WWOX: variants seen among roughly 807,000 people sequenced by gnomAD.
The protein encoded by WWOX is WW domain containing oxidoreductase, also known as WW domain-containing oxidoreductase.
A neutral mutation model predicts 46.2 loss-of-function variants in WWOX; 69 were observed. The observed-to-expected ratio is 1.49, with a 90% CI of 1.23 to 1.82. The LOEUF (loss-of-function observed/expected upper bound fraction) is 1.82. Ranked by LOEUF, WWOX falls within the 40% of genes most tolerant of loss-of-function variation. WWOX has a pLI of 0.00. For missense variants in WWOX, 919 were observed against 542.6 expected, an observed-to-expected ratio of 1.69 and a Z score of -6.89; for synonymous variants, 359 against 202.6, an observed-to-expected ratio of 1.77 and a Z score of -6.56.
At chr16:78,232,127 T>TA (rs1567444494) in intron 5 of WWOX, among the ~76,000 whole-genome samples, 118 of 152,174 alleles carry the variant, frequency 7.8e-4, no homozygotes, top group African/African-American at 2.5e-3. Flanking sequence ...CTTATTTTTT[T>TA]TAAAAAAATG....
chr16:78,831,898 G>T (rs530622451), intron 8 of WWOX, among the ~76,000 whole-genome samples: 2 of 152,264 alleles, frequency 1.3e-5, no homozygotes, highest in South Asian at 4.1e-4. Flanking sequence ...TGGTGATCTC[G>T]TCGTAATTTT....
chr16:78,979,351 G>T (rs1370528786), intron 8 of WWOX, among the ~76,000 whole-genome samples: 1 of 151,980 alleles, frequency 6.6e-6, no homozygotes, highest in Non-Finnish European at 1.5e-5. Context: ...CATTGGTTTG[G>T]CTCCAAGTGA....
At chr16:78,956,418 G>T (rs1048368381) in intron 8 of WWOX, among the ~76,000 whole-genome samples, 20 of 152,066 alleles carry the variant, frequency 1.3e-4, no homozygotes, top group African/African-American at 4.6e-4. Context: ...GCCTCCCCAA[G>T]TGCTGGGATT....
chr16:78,149,454 T>C (rs1443347404), intron 4 of WWOX, among the ~76,000 whole-genome samples: 1 of 152,196 alleles, frequency 6.6e-6, no homozygotes, highest in East Asian at 1.9e-4. Context: ...AGATGAAATA[T>C]CAAGTAAAAG....
At chr16:78,410,942 T>G (rs1475046358) in intron 6 of WWOX, among the ~76,000 whole-genome samples, 1 of 152,128 alleles carries the variant, frequency 6.6e-6, no homozygotes, top group Non-Finnish European at 1.5e-5. Context: ...CTATAATTCC[T>G]GACTATTGAC....
chr16:78,713,413 G>T (rs1378025745), intron 8 of WWOX, among the ~76,000 whole-genome samples: 1 of 151,448 alleles, frequency 6.6e-6, no homozygotes, highest in Non-Finnish European at 1.5e-5. Context: ...TTATTATTTG[G>T]TATCTGTTAG....
intron 8 of WWOX, among the ~76,000 whole-genome samples, chr16:79,034,372 A>G (rs554209823): frequency 2.6e-5 from 4 of 152,338 alleles, no homozygotes; most frequent in South Asian, 2.1e-4. Context: ...AAATAATGAA[A>G]TTGTATGCAA....
At position 78,731,845 on chromosome 16, in the gene WWOX, CT is replaced by C. The variant is rs200790501; in HGVS notation, c.1056+299111del. On this transcript the variant is annotated intron_variant, in intron 8 of 8. Transcript: ENST00000566780. Reference sequence around the variant, plus strand: ...CCCAATGCCAATTTTTTTTCTTTCTCTTTTTTTTTTTTTTTTTTGAGAGACA... The same window carrying C: ...CCCAATGCCAATTTTTTTTCTTTCTCTTTTTTTTTTTTTTTTTGAGAGACA... Among the ~76,000 whole-genome samples the C allele has an allele frequency of 4.2e-3, 536 of 129,092 alleles. 4 individuals carry two copies. Among genetic ancestry groups the C allele is most frequent in the Middle Eastern group, 0.016 (4 of 258 alleles). 84.7% of individuals were successfully genotyped at this position (129,092 alleles called of 152,430 possible).
At chr16:78,557,687 G>A (rs182807552) in intron 8 of WWOX, among the ~76,000 whole-genome samples, 1 of 110,698 alleles carries the variant, frequency 9.0e-6, no homozygotes, top group Non-Finnish European at 1.7e-5. Flanking sequence ...CTCTAGGGAA[G>A]GATTTTTTTT....
chr16:79,052,112 A>C (rs1179831331), intron 8 of WWOX, among the ~76,000 whole-genome samples: 2 of 151,576 alleles, frequency 1.3e-5, no homozygotes, highest in East Asian at 3.9e-4. Flanking sequence ...ATATGTATAC[A>C]TGTGCCATGC....
chr16:78,449,831 C>G (rs1166354080), intron 8 of WWOX, among the ~76,000 whole-genome samples: 2 of 151,912 alleles, frequency 1.3e-5, no homozygotes, highest in Admixed American at 6.6e-5. Context: ...CCCAAATTGT[C>G]TTTCTCAAGA....
intron 8 of WWOX, among the ~76,000 whole-genome samples, chr16:78,869,467 C>A (rs1161023315): frequency 6.6e-6 from 1 of 152,352 alleles, no homozygotes; most frequent in Admixed American, 6.5e-5. Context: ...GAAGTGCACA[C>A]AGCCCTCCCT....
intron 8 of WWOX, among the ~76,000 whole-genome samples, chr16:78,688,832 T>G (rs1317256869): frequency 6.6e-6 from 1 of 152,158 alleles, no homozygotes; most frequent in African/African-American, 2.4e-5. Flanking sequence ...TGGGAGGTGA[T>G]TGAATCATGT....
intron 5 of WWOX, among the ~76,000 whole-genome samples, chr16:78,304,458 AATAG>A (rs1159383979): frequency 1.3e-5 from 2 of 152,176 alleles, no homozygotes; most frequent in African/African-American, 2.4e-5. Context: ...TCCTTTCAGA[AATAG>A]TCTCTGCAAA....
chr16:78,802,069 C>T (rs143599612), intron 8 of WWOX, among the ~76,000 whole-genome samples: 2,559 of 152,128 alleles, frequency 0.017, 28 homozygotes, highest in Non-Finnish European at 0.025. Context: ...TTATTATTAG[C>T]ATTATTGTCA....
chr16:78,689,748 T>G (rs1023390208), intron 8 of WWOX, among the ~76,000 whole-genome samples: 1 of 152,172 alleles, frequency 6.6e-6, no homozygotes. Flanking sequence ...ATATTTGGAG[T>G]TGAGCCCTAT....
At chr16:79,155,368 C>G (rs1597427664) in intron 8 of WWOX, among the ~76,000 whole-genome samples, 1 of 151,780 alleles carries the variant, frequency 6.6e-6, no homozygotes, top group Non-Finnish European at 1.5e-5. Context: ...GAGGGAGACT[C>G]TGTTTCAACA....
At chr16:78,964,651 G>T (rs1018381621) in intron 8 of WWOX, among the ~76,000 whole-genome samples, 5 of 152,228 alleles carry the variant, frequency 3.3e-5, no homozygotes, top group African/African-American at 1.2e-4. Flanking sequence ...GCTGGCTGCA[G>T]AAATTTGTGT....
intron 8 of WWOX, among the ~76,000 whole-genome samples, chr16:78,455,842 C>T (rs900818549): frequency 1.2e-4 from 18 of 149,860 alleles, no homozygotes; most frequent in African/African-American, 2.2e-4. Context: ...TTGATGATGA[C>T]GGAAGTGAGC....
Sources: gnomAD v4.1 joint callset for allele counts (sites outside exome capture counted in the v4.1 genomes callset) on GRCh38, gnomAD v4.1.1 for gene constraint, MANE v1.5 for transcripts, NCBI Gene and HGNC (gene_info 2026-07-23, HGNC 2026-07-21) for gene names.